The following TVP23A variants were observed in gnomAD, a reference collection of about 807,000 sequenced individuals.
TVP23A encodes the protein trans-golgi network vesicle protein 23 homolog A.
In TVP23A, 21 loss-of-function variants were observed where a neutral mutation model predicts 31.7. The ratio of observed to expected loss-of-function variants is 0.66; its 90% confidence interval spans 0.47 to 0.95. The LOEUF is 0.95. Ranked by LOEUF, TVP23A falls within the 40% of genes least tolerant of loss-of-function variation. The probability of loss-of-function intolerance (pLI) is 0.00; values close to 1 mark genes in which losing one functional copy is unlikely to be tolerated. For synonymous variants in TVP23A, 104 were observed against 96.0 expected (o/e 1.08, Z -0.49); for missense variants, 279 against 255.6 (o/e 1.09, Z -0.62).
intron 5 of TVP23A, among the ~76,000 whole-genome samples, 155 bp from the exon 6 acceptor site, chr16:10,771,953 G>C (rs1411173674): frequency 6.6e-6 from 1 of 151,658 alleles, no homozygotes; most frequent in East Asian, 1.9e-4. Flanking sequence ...CGAGTAGCTG[G>C]GACTACAGGC....
chr16:10,778,825 G>T (rs2032244775), intron 2 of TVP23A, among the ~76,000 whole-genome samples: 1 of 151,944 alleles, frequency 6.6e-6, no homozygotes. Flanking sequence ...AATTAGCCAG[G>T]CCTGATGGCA....
chr16:10,773,529 G>C, intron 4 of TVP23A, 88 bp from the exon 5 acceptor site: 1 of 1,445,012 alleles, frequency 6.9e-7, no homozygotes, highest in East Asian at 2.4e-5. Context: ...TTATTTTGCA[G>C]ATGCTTTTGT....
At chr16:10,816,228 C>CAAAAAAAA (rs760801777) in intron 2 of TVP23A, among the ~76,000 whole-genome samples, 10 of 73,816 alleles carry the variant, frequency 1.4e-4, no homozygotes, top group African/African-American at 3.0e-4. Context: ...AACCCTATCT[C>CAAAAAAAA]AAAAAAAAAA....
At chr16:10,789,121 C>A (rs2032944537) in intron 2 of TVP23A, among the ~76,000 whole-genome samples, 1 of 152,160 alleles carries the variant, frequency 6.6e-6, no homozygotes, top group South Asian at 2.1e-4. Flanking sequence ...AGCCACCGTG[C>A]CCGGACAAGA....
rs939837291 is a variant in TVP23A at position 10,769,176 on chromosome 16, C to G, written c.*1-75G>C. ...ACTGGGCAGCACATCCAGCCAGACC[C>G]GACCAGCTCCGGGATGGGGTGGGTC... On this transcript the variant is annotated intron_variant, in intron 7 of 7. Coordinates refer to ENST00000299866, the MANE Select transcript of TVP23A (RefSeq NM_001079512.4). 2.1e-6 allele frequency: 3 copies of G among 1,424,796 alleles called. No homozygotes were observed. The South Asian group carries it at 3.5e-5, about 17-fold the overall frequency. The allele number at this position is 1,424,796 out of a possible 1,614,324, so 88.3% of individuals were successfully genotyped here. A position where few individuals can be genotyped will look rare whatever the true frequency, so the allele number is the denominator to read the frequency against.
intron 2 of TVP23A, among the ~76,000 whole-genome samples, chr16:10,783,797 C>A (rs754066348): frequency 6.6e-6 from 1 of 152,256 alleles, no homozygotes; most frequent in South Asian, 2.1e-4. Context: ...CATAGAGGAA[C>A]CTTAAATGTG....
intron 2 of TVP23A, among the ~76,000 whole-genome samples, chr16:10,802,878 A>G (rs1208469233): frequency 6.6e-6 from 1 of 152,234 alleles, no homozygotes; most frequent in Non-Finnish European, 1.5e-5. Context: ...CACGAATGCT[A>G]AATTTGAGAT....
At chr16:10,782,511 GTTTGTTTTT>G (rs2032487643) in intron 2 of TVP23A, among the ~76,000 whole-genome samples, 1 of 151,680 alleles carries the variant, frequency 6.6e-6, no homozygotes, top group African/African-American at 2.4e-5. Flanking sequence ...TGTTTGTTTT[GTTTGTTTTT>G]AAGACAGGGT....
In TVP23A at chr16:10,767,483, TGC is replaced by T. The variant is rs139802264; in HGVS notation, c.*1617_*1618del. ...GTATATGAGAGTGTGTGTATGTGTG[TGC>T]GCACACATGCAAGTGTGCACATTTA... On this transcript the variant is annotated 3_prime_UTR_variant, in exon 8 of 8. Transcript: ENST00000299866. The surrounding 1 kb of genome is among the most constrained non-coding windows in gnomAD (Gnocchi z 4.6). 0.26 allele frequency: 109,154 copies of T among 422,958 alleles called. 14,885 individuals carry two copies. Among genetic ancestry groups the T allele is most frequent in the South Asian group, 0.33 (3,287 of 9,936 alleles). The allele number at this position is 422,958 out of a possible 1,614,324, so 26.2% of individuals were successfully genotyped here. A position where few individuals can be genotyped will look rare whatever the true frequency, so the allele number is the denominator to read the frequency against.
chr16:10,777,885 C>T lies in TVP23A; in HGVS notation c.90-2789G>A, dbSNP rs1211882502. Among the ~76,000 whole-genome samples the T allele has an allele frequency of 6.6e-6, 1 of 152,104 alleles. No individual in the cohort carries two copies. Among genetic ancestry groups the T allele is most frequent in the Admixed American group, 6.6e-5 (1 of 15,266 alleles). ...AATTAGCTGAGCGTGGTGGTGGGCGCCTGTAGTCCCAGCTACTCGGGACGC... is the reference window on the plus strand; with the variant it reads ...AATTAGCTGAGCGTGGTGGTGGGCGTCTGTAGTCCCAGCTACTCGGGACGC... On this transcript the variant is annotated intron_variant, in intron 2 of 7. Coordinates refer to ENST00000299866, the MANE Select transcript of TVP23A (RefSeq NM_001079512.4). This position sits in a 1 kb window ranked among gnomAD's most constrained non-coding sequence, Gnocchi z 4.5.
chr16:10,794,356 G>C (rs1253979403), intron 2 of TVP23A, among the ~76,000 whole-genome samples: 4 of 152,038 alleles, frequency 2.6e-5, no homozygotes, highest in Non-Finnish European at 5.9e-5. Flanking sequence ...TTCTTATAAA[G>C]ACCCCAGTCA....
chr16:10,799,407 C>T (rs531055390), intron 2 of TVP23A, among the ~76,000 whole-genome samples: 24 of 152,174 alleles, frequency 1.6e-4, no homozygotes, highest in Non-Finnish European at 2.9e-4. Flanking sequence ...GATCTTGGCT[C>T]ACTGCAACCT....
downstream of TVP23A, among the ~76,000 whole-genome samples, chr16:10,766,455 G>A (rs1166603646): frequency 6.6e-6 from 1 of 152,124 alleles, no homozygotes; most frequent in Non-Finnish European, 1.5e-5. The surrounding 1 kb of genome is among the most constrained non-coding windows in gnomAD (Gnocchi z 4.8). Context: ...TTGGGGGCTG[G>A]GGAGCCCTCT....
At chr16:10,769,247 AG>A in intron 7 of TVP23A, 146 bp from the exon 8 acceptor site, 1 of 651,568 alleles carries the variant, frequency 1.5e-6, no homozygotes, top group South Asian at 1.8e-5. Flanking sequence ...CCACTTTCTC[AG>A]AGACACTTTA....
chr16:10,789,606 A>G (rs1299646483), intron 2 of TVP23A, among the ~76,000 whole-genome samples: 2 of 147,698 alleles, frequency 1.4e-5, no homozygotes, highest in African/African-American at 5.1e-5. Flanking sequence ...AGGCTGGTGG[A>G]TCACCTGAGG....
At chr16:10,789,907 A>G (rs1461830366) in intron 2 of TVP23A, among the ~76,000 whole-genome samples, 2 of 151,388 alleles carry the variant, frequency 1.3e-5, no homozygotes, top group African/African-American at 2.4e-5. Flanking sequence ...GGGCAGGAGG[A>G]GGGGGCTGGT....
chr16:10,806,312 C>T (rs902629440), intron 2 of TVP23A, among the ~76,000 whole-genome samples: 11 of 152,000 alleles, frequency 7.2e-5, no homozygotes, highest in African/African-American at 2.7e-4. Context: ...CAATGTACTC[C>T]AGCCTGGGTG....
At chr16:10,761,517 C>T (rs1345925917) in exon 9 of TVP23A, 1 of 1,513,004 alleles carries the variant, frequency 6.6e-7, no homozygotes, top group Non-Finnish European at 9.2e-7. Flanking sequence ...ATCTTGCTCT[C>T]ATGGATGAGG....
chr16:10,795,496 C>T (rs1202693910), intron 2 of TVP23A, among the ~76,000 whole-genome samples: 2 of 152,124 alleles, frequency 1.3e-5, no homozygotes, highest in Admixed American at 6.5e-5. Flanking sequence ...GGTGATCTGC[C>T]TGCCTTGGCC....
Sources: allele counts gnomAD v4.1 joint callset (sites outside exome capture counted in the v4.1 genomes callset), GRCh38; gene constraint gnomAD v4.1.1; non-coding constraint Gnocchi (gnomAD v3.1); transcripts MANE v1.5; gene names NCBI Gene and HGNC (gene_info 2026-07-23, HGNC 2026-07-21).